SMARCA2: variants seen among roughly 807,000 people sequenced by gnomAD.
SMARCA2 encodes SWI/SNF-related matrix-associated actin-dependent regulator of chromatin subfamily A member 2.
In SMARCA2, 61 loss-of-function variants were observed where a neutral mutation model predicts 199.8. The ratio of observed to expected loss-of-function variants is 0.31; its 90% CI spans 0.25 to 0.38. SMARCA2 has a LOEUF of 0.38. Ranked by LOEUF, SMARCA2 falls within the 10% of genes least tolerant of loss-of-function variation. The pLI is 1.00. For synonymous variants in SMARCA2, 935 were observed against 732.0 expected (o/e 1.28, Z -4.48); for missense variants, 1,344 against 2,012.2 (o/e 0.67, Z 6.35).
chr9:2,096,687 G>T lies in SMARCA2; in HGVS notation c.2914G>T (p.Ala972Ser). Residue 972 changes from alanine to serine, a missense_variant, in exon 20 of 34, where the codon GCT becomes TCT. Ala to Ser is a moderately conservative substitution (Grantham distance 99, BLOSUM62 1). Around this residue, in one of 18 missense-constraint regions of SMARCA2, gnomAD observed 98 missense variants for 245.6 expected, o/e 0.40. Transcript: ENST00000349721. ...VEYVIKCDMS[A>S]LQKILYRHMQ... is the part of the protein sequence containing the mutation. Reference sequence around the variant, plus strand: ...ATATGTGATCAAGTGTGACATGTCAGCTCTGCAGAAGATTCTGTATCGCCA... The same window carrying T: ...ATATGTGATCAAGTGTGACATGTCATCTCTGCAGAAGATTCTGTATCGCCA... 1 of 1,613,564 alleles carries T rather than the reference G, an allele frequency of 6.2e-7. No homozygotes were observed.
Position 2,170,477 on chromosome 9 carries a change from G to T in SMARCA2, c.4253+5G>T. The T allele has an allele frequency of 6.2e-7, 1 of 1,614,088 alleles. No homozygotes were observed. The highest frequency in any genetic ancestry group is 8.5e-7 in the Non-Finnish European group (1 of 1,179,966). On this transcript the variant is annotated splice_donor_5th_base_variant and intron_variant, in intron 29 of 33. Transcript: ENST00000349721. The surrounding 1 kb of genome is among the most constrained non-coding windows in gnomAD (Gnocchi z 4.7). The stretch of plus-strand genomic sequence containing the variant: ...GTTGGAAATAGAAGGAAACAGGTCA[G>T]GATCTGTCTTGTATTCCCCTATCTC...
In SMARCA2 at chr9:2,081,239, C is replaced by T. The variant is rs560298792; in HGVS notation, c.2185-593C>T. ...ACAGTGTTTTTGTACTTCAGAAATA[C>T]GTTGAGCATGTTTCCAGTTGCCAGC... On this transcript the variant is annotated intron_variant, in intron 14 of 33. Transcript: ENST00000349721. Among the ~76,000 whole-genome samples, 20 of 152,236 alleles carry T rather than the reference C, an allele frequency of 1.3e-4. No homozygotes were observed. The South Asian group carries it at 2.3e-3, about 17-fold the overall frequency.
chr9:2,122,662 G>A (rs1190710783), intron 26 of SMARCA2, among the ~76,000 whole-genome samples: 1 of 152,098 alleles, frequency 6.6e-6, no homozygotes, highest in Non-Finnish European at 1.5e-5. Context: ...TCATATTTGG[G>A]TTTGCGTAGA....
chr9:2,099,618 C>G (rs577182784), intron 21 of SMARCA2, among the ~76,000 whole-genome samples: 38 of 152,264 alleles, frequency 2.5e-4, no homozygotes, highest in African/African-American at 7.9e-4. Flanking sequence ...AAGGCAGACT[C>G]TGATTTGCAA....
chr9:2,143,017 C>A (rs138070380), intron 27 of SMARCA2, among the ~76,000 whole-genome samples: 1 of 151,910 alleles, frequency 6.6e-6, no homozygotes, highest in Non-Finnish European at 1.5e-5. Context: ...ATAGGAGATT[C>A]GGACATATTT....
In SMARCA2 at chr9:2,141,694, G is replaced by A. The variant is rs552386603; in HGVS notation, c.3981+17757G>A. Among the ~76,000 whole-genome samples the A allele has an allele frequency of 2.0e-5, 3 of 152,070 alleles. No homozygotes were observed. The East Asian group carries it at 5.8e-4, about 29-fold the overall frequency. On this transcript the variant is annotated intron_variant, in intron 27 of 33. Coordinates refer to ENST00000349721, the MANE Select transcript of SMARCA2 (RefSeq NM_003070.5). ...CTATTTTTATTCACTATGTAGTTGT[G>A]TGGCCCTCCCTTGAGCAGTAATCAT...
chr9:2,026,186 A>T (rs1818821678), intron 1 of SMARCA2, among the ~76,000 whole-genome samples: 1 of 152,158 alleles, frequency 6.6e-6, no homozygotes, highest in Non-Finnish European at 1.5e-5. Flanking sequence ...ACGTTCTATG[A>T]GAGTCCAGAT....
At chr9:2,174,212 C>T (rs1826410824) in intron 29 of SMARCA2, among the ~76,000 whole-genome samples, 1 of 152,114 alleles carries the variant, frequency 6.6e-6, no homozygotes, top group Admixed American at 6.5e-5. Context: ...GCATAAAGGA[C>T]CCCTCTCTGA....
chr9:2,167,512 T>C (rs1445408010), intron 28 of SMARCA2, among the ~76,000 whole-genome samples: 1 of 152,220 alleles, frequency 6.6e-6, no homozygotes, highest in Admixed American at 6.5e-5. Context: ...GATACCTGCC[T>C]GGTCAGTGCC....
intron 4 of SMARCA2, chr9:2,041,390 C>T (rs1158260504): frequency 1.0e-5 from 4 of 398,488 alleles, no homozygotes; most frequent in Non-Finnish European, 1.8e-5. Flanking sequence ...TGGTGAGGGC[C>T]TGCTTCCTGA....
intron 31 of SMARCA2, among the ~76,000 whole-genome samples, chr9:2,185,874 C>G (rs897474641): frequency 6.6e-6 from 1 of 152,168 alleles, no homozygotes. Context: ...AGCATCCATG[C>G]ACTTTGAAAT....
chr9:2,185,686 A>G (rs1458538611), intron 31 of SMARCA2, among the ~76,000 whole-genome samples: 1 of 152,228 alleles, frequency 6.6e-6, no homozygotes, highest in Non-Finnish European at 1.5e-5. Context: ...GCTGCTACTG[A>G]TAAACTCAGT....
intron 26 of SMARCA2, among the ~76,000 whole-genome samples, chr9:2,122,072 G>A (rs905824142): frequency 2.4e-4 from 36 of 152,142 alleles, no homozygotes; most frequent in African/African-American, 8.4e-4. Flanking sequence ...CAGTTATTAA[G>A]ACTTTAAGCT....
chr9:2,065,042 G>A (rs931112064), intron 9 of SMARCA2, among the ~76,000 whole-genome samples: 4 of 152,242 alleles, frequency 2.6e-5, no homozygotes, highest in Non-Finnish European at 2.9e-5. Flanking sequence ...AAAATTAGCC[G>A]GGCGTGGTGG....
At chr9:2,045,211 A>G (rs998539516) in intron 4 of SMARCA2, 3 of 152,254 alleles carry the variant, frequency 2.0e-5, no homozygotes, top group African/African-American at 7.2e-5. Flanking sequence ...TATTATCAGT[A>G]AGACCTAAAG....
chr9:2,032,814 G>T, intron 2 of SMARCA2, 138 bp from the exon 3 acceptor site: 1 of 656,662 alleles, frequency 1.5e-6, no homozygotes, highest in Non-Finnish European at 2.5e-6. Flanking sequence ...TTTTGGTCTA[G>T]TCTCTTTTTT....
intron 30 of SMARCA2, 90 bp downstream of exon 30, chr9:2,181,766 A>G: frequency 2.7e-6 from 2 of 734,986 alleles, no homozygotes; most frequent in South Asian, 1.5e-5. Context: ...GCTGACCGCC[A>G]CTGATGGGTA....
intron 27 of SMARCA2, among the ~76,000 whole-genome samples, chr9:2,150,638 A>G (rs1025360799): frequency 6.6e-6 from 1 of 151,560 alleles, no homozygotes; most frequent in African/African-American, 2.4e-5. Context: ...CCATCACTGG[A>G]TATAGTTAAA....
rs750120946 is a variant in SMARCA2, at chr9:2,047,455, C to T, written c.1017C>T (p.Pro339=). The change falls in exon 5 of 34, where the codon CCC becomes CCT. Residue 339 remains proline (P), a synonymous_variant. Transcript: ENST00000349721. ...SPIQKPQGLD[P]VEILQEREYR... ...TCCAGAAACCGCAAGGCCTGGACCCCGTGGAAATTCTGCAAGAGCGGGAAT... is the reference window on the plus strand; with the variant it reads ...TCCAGAAACCGCAAGGCCTGGACCCTGTGGAAATTCTGCAAGAGCGGGAAT... 6.5e-7 allele frequency: 1 copy of T among 1,546,368 alleles called. No homozygotes were observed. Among genetic ancestry groups the T allele is most frequent in the Non-Finnish European group, 8.7e-7 (1 of 1,150,024 alleles).
Sources: allele counts gnomAD v4.1 joint callset (sites outside exome capture counted in the v4.1 genomes callset), GRCh38; gene constraint gnomAD v4.1.1; regional missense constraint gnomAD v4.1.1; non-coding constraint Gnocchi (gnomAD v3.1); transcripts MANE v1.5; gene names NCBI Gene and HGNC (gene_info 2026-07-23, HGNC 2026-07-21).